The following DICER1 variants were observed in gnomAD, a reference collection of about 807,000 sequenced individuals.
DICER1 encodes endoribonuclease Dicer.
In DICER1, 43 loss-of-function variants were observed where a neutral mutation model predicts 194.1. The observed-to-expected ratio is 0.22, with a 90% CI of 0.17 to 0.29. The LOEUF is 0.29. Ranked by LOEUF, DICER1 falls within the 10% of genes least tolerant of loss-of-function variation. The pLI is 1.00. For missense variants in DICER1, 1,608 were observed against 2,317.0 expected, an observed-to-expected ratio of 0.69 and a Z score of 6.28; for synonymous variants, 832 against 820.5, an observed-to-expected ratio of 1.01 and a Z score of -0.24.
At chr14:95,092,117 G>A (rs964364397) in intron 24 of DICER1, among the ~76,000 whole-genome samples, 4 of 152,238 alleles carry the variant, frequency 2.6e-5, no homozygotes, top group East Asian at 1.9e-4. Flanking sequence ...ATAAAGAAGC[G>A]TTTAAATCAA....
chr14:95,100,241 T>C (rs550342103), intron 21 of DICER1, among the ~76,000 whole-genome samples: 14 of 152,246 alleles, frequency 9.2e-5, no homozygotes, highest in African/African-American at 3.4e-4. Flanking sequence ...TCAGACAATA[T>C]CAAAGCCTTG....
intron 24 of DICER1, among the ~76,000 whole-genome samples, chr14:95,093,599 A>T (rs1393659433): frequency 6.6e-6 from 1 of 152,214 alleles, no homozygotes; most frequent in African/African-American, 2.4e-5. Context: ...CTTCTTTGGC[A>T]TGCCTCAATG....
intron 8 of DICER1, among the ~76,000 whole-genome samples, chr14:95,118,433 T>C (rs148185247): frequency 3.3e-5 from 5 of 152,288 alleles, no homozygotes; most frequent in East Asian, 3.9e-4. Context: ...CTGCACAGCA[T>C]AGTACAGGGC....
At chr14:95,123,979 C>T (rs1459665681) in intron 8 of DICER1, among the ~76,000 whole-genome samples, 1 of 152,124 alleles carries the variant, frequency 6.6e-6, no homozygotes, top group African/African-American at 2.4e-5. Context: ...AGATTAGCAT[C>T]CTTTAAGAAA....
In DICER1 at chr14:95,086,845, T is replaced by G. The variant is rs1889374403; in HGVS notation, c.*3653A>C. 4.3e-6 allele frequency: 1 copy of G among 232,442 alleles called. No individual in the cohort carries two copies. Among genetic ancestry groups the G allele is most frequent in the African/African-American group, 2.2e-5 (1 of 45,328 alleles). The allele number at this position is 232,442 out of a possible 1,614,324, so 14.4% of individuals were successfully genotyped here. A position where few individuals can be genotyped will look rare whatever the true frequency, so the allele number is the denominator to read the frequency against. On this transcript the variant is annotated 3_prime_UTR_variant, in exon 27 of 27. Coordinates refer to ENST00000343455, the MANE Select transcript of DICER1 (RefSeq NM_177438.3). ...AAATTCCTGAAAAGTAATCAGTGGTTGGAAAAATATAATTATTCAAATGTA... is the reference window on the plus strand; with the variant it reads ...AAATTCCTGAAAAGTAATCAGTGGTGGGAAAAATATAATTATTCAAATGTA...
chr14:95,129,610 C>T lies in DICER1; in HGVS notation c.596G>A (p.Cys199Tyr). The change falls in exon 6 of 27, where the codon TGT becomes TAT. Residue 199 changes from cysteine (C) to tyrosine (Y), a missense_variant. Physicochemically the swap from Cys to Tyr is radical, Grantham distance 194 (BLOSUM62 -2). Coordinates refer to ENST00000343455, the MANE Select transcript of DICER1 (RefSeq NM_177438.3). ...AGCAGTTAGTCCCAAAATGCGAGGA[C>T]ATGATGGACAATTTTCACAGAGCTA... ...IMKLCENCPS[C>Y]PRILGLTASI... 6.2e-7 allele frequency: 1 copy of T among 1,612,576 alleles called. No homozygotes were observed. The highest frequency in any genetic ancestry group is 8.5e-7 in the Non-Finnish European group (1 of 1,179,856).
chr14:95,127,935 A>C (rs73331532), intron 6 of DICER1, among the ~76,000 whole-genome samples: 17,495 of 152,312 alleles, frequency 0.11, 1,027 homozygotes, highest in African/African-American at 0.14. Flanking sequence ...AAGCGGAAAG[A>C]AGAATGGGAA....
chr14:95,118,591 C>T (rs939591825), intron 8 of DICER1, among the ~76,000 whole-genome samples: 1 of 152,100 alleles, frequency 6.6e-6, no homozygotes, highest in East Asian at 1.9e-4. Context: ...CAAAGAGCTA[C>T]GGGACGGGAT....
chr14:95,130,306 G>A (rs1187848401), intron 4 of DICER1, 114 bp from the exon 5 acceptor site: 2 of 1,035,348 alleles, frequency 1.9e-6, no homozygotes, highest in South Asian at 1.4e-5. Context: ...GAATTCATTA[G>A]TCAAAATTAA....
chr14:95,147,433 G>C (rs889222325), intron 1 of DICER1, among the ~76,000 whole-genome samples: 1 of 152,172 alleles, frequency 6.6e-6, no homozygotes, highest in African/African-American at 2.4e-5. Flanking sequence ...GCACTCCAGA[G>C]TAAGACCCTG....
rs1894136381 is a variant in DICER1, at chr14:95,133,505, T to C, written c.-45-2A>G. 4.4e-6 allele frequency: 7 copies of C among 1,574,602 alleles called. No individual in the cohort carries two copies. The Admixed American group carries it at 1.1e-4, about 25-fold the overall frequency. On this transcript the variant is annotated splice_acceptor_variant, in intron 1 of 26. Coordinates refer to ENST00000343455, the MANE Select transcript of DICER1 (RefSeq NM_177438.3). LOFTEE classifies it low-confidence loss of function (5UTR_SPLICE). ...GCATTTTTGTTCTAGCACAGCTTACTACAAAAGGGAAAAAGAATACCATTA... is the reference window on the plus strand; with the variant it reads ...GCATTTTTGTTCTAGCACAGCTTACCACAAAAGGGAAAAAGAATACCATTA...
Position 95,100,025 on chromosome 14 carries a change from C to A in DICER1, c.4051-90G>T, listed in dbSNP as rs999315902. 3.5e-6 allele frequency: 5 copies of A among 1,412,892 alleles called. No individual in the cohort carries two copies. In the African/African-American group the frequency reaches 5.8e-5, roughly 16 times the overall value. 87.5% of individuals were successfully genotyped at this position (1,412,892 alleles called of 1,614,324 possible). ...ATTAACATATCCTCAGTTAAATGTT[C>A]TTAAAATTAATCAATTAATTATATG... On this transcript the variant is annotated intron_variant, in intron 21 of 26. Transcript: ENST00000343455.
chr14:95,155,946 C>T (rs1415711317), intron 1 of DICER1, among the ~76,000 whole-genome samples: 1 of 152,142 alleles, frequency 6.6e-6, no homozygotes, highest in Non-Finnish European at 1.5e-5. Context: ...TTAAAGTAGA[C>T]TTTGCAAAAT....
chr14:95,144,461 C>T (rs981098330), intron 1 of DICER1, among the ~76,000 whole-genome samples: 3 of 152,052 alleles, frequency 2.0e-5, no homozygotes, highest in South Asian at 2.1e-4. Flanking sequence ...CTGACTATTA[C>T]GAGGATTACA....
chr14:95,117,344 A>G (rs1892564751), intron 9 of DICER1, among the ~76,000 whole-genome samples: 1 of 152,206 alleles, frequency 6.6e-6, no homozygotes, highest in Non-Finnish European at 1.5e-5. Flanking sequence ...TTTCCATGAA[A>G]TGCAGTTGTG....
At position 95,107,687 on chromosome 14, in the gene DICER1, T is replaced by C. The variant is rs1167073557; in HGVS notation, c.2725A>G (p.Ile909Val). 2.5e-6 allele frequency: 4 copies of C among 1,613,208 alleles called. No homozygotes were observed. In the African/African-American group the frequency reaches 4.0e-5, roughly 16 times the overall value. Residue 909 changes from isoleucine (I) to valine (V), a missense_variant, in exon 17 of 27, where the codon ATT (isoleucine) becomes GTT (valine). Transcript: ENST00000343455. ...TCTTTTGTATACTTTGTACTGGGAA[T>C]GCCTATGCGAGCTTCAGACTTCTCA... ...DIEKSEARIG[I>V]PSTKYTKETP...
intron 26 of DICER1, 109 bp from the exon 27 acceptor site, chr14:95,090,772 A>C (rs567338896): frequency 2.2e-6 from 3 of 1,338,646 alleles, no homozygotes; most frequent in Non-Finnish European, 2.1e-6. Flanking sequence ...ATAAGCTGAC[A>C]CCACACAAAG....
chr14:95,129,466 G>A lies in DICER1; in HGVS notation c.734+6C>T, dbSNP rs200212137. On this transcript the variant is annotated splice_donor_region_variant and intron_variant, in intron 6 of 26. Transcript: ENST00000343455. ...CATTAAAGCTGAGTCAATCAGAAGTGCATACCTGTCTAAGACCACCAGGTC... is the reference window on the plus strand; with the variant it reads ...CATTAAAGCTGAGTCAATCAGAAGTACATACCTGTCTAAGACCACCAGGTC... 75 of 1,612,666 alleles carry A rather than the reference G, an allele frequency of 4.7e-5. No homozygotes were observed. Among genetic ancestry groups the A allele is most frequent in the Non-Finnish European group, 5.7e-5 (67 of 1,179,026 alleles).
rs766194200 is a variant in DICER1 at position 95,096,515 on chromosome 14, G to T, written c.4405C>A (p.Leu1469Ile). ...GSGAFVKKIS[L>I]SPFSTTDSAY... ...GAATCAGTGGTTGAAAAAGGAGAAA[G>T]AGAGATTTTCTTTACAAAAGCTCCT... is the stretch of plus-strand genomic sequence containing the variant. The change falls in exon 23 of 27, where the codon CTT (leucine) becomes ATT (isoleucine). Residue 1469 changes from leucine (L) to isoleucine (I), a missense_variant. Physicochemically the swap from Leu to Ile is conservative, Grantham distance 5. Around this residue, in one of 10 missense-constraint regions of DICER1, gnomAD observed 164 missense variants for 183.7 expected, o/e 0.89. Coordinates refer to ENST00000343455, the MANE Select transcript of DICER1 (RefSeq NM_177438.3). 8.7e-6 allele frequency: 14 copies of T among 1,613,968 alleles called. No individual in the cohort carries two copies. In the African/African-American group the frequency reaches 1.5e-4, roughly 17 times the overall value.
Sources: allele counts gnomAD v4.1 joint callset (sites outside exome capture counted in the v4.1 genomes callset), GRCh38; gene constraint gnomAD v4.1.1; regional missense constraint gnomAD v4.1.1; transcripts MANE v1.5; gene names NCBI Gene and HGNC (gene_info 2026-07-23, HGNC 2026-07-21).